The following EPHB1 variants were observed in gnomAD, a reference collection of about 807,000 sequenced individuals.
The protein encoded by EPHB1 is EPH receptor B1.
EPHB1 carries 30 observed loss-of-function variants against 94.4 expected under a neutral mutation model. That is an observed-to-expected ratio of 0.32 (90% CI 0.24 to 0.43). EPHB1 has a LOEUF of 0.43. Among genes scored for constraint, EPHB1 ranks in the 20% least tolerant of loss-of-function variants. The pLI is 1.00. For synonymous variants in EPHB1, 522 were observed against 489.1 expected (o/e 1.07, Z -0.89); for missense variants, 1,055 against 1,308.3 (o/e 0.81, Z 2.99).
At chr3:135,160,178 C>G (rs951052232) in intron 6 of EPHB1, among the ~76,000 whole-genome samples, 1 of 152,120 alleles carries the variant, frequency 6.6e-6, no homozygotes, top group Non-Finnish European at 1.5e-5. Flanking sequence ...GTACCTGCAG[C>G]CCATGTATAG....
intron 1 of EPHB1, among the ~76,000 whole-genome samples, chr3:134,903,703 G>A (rs73861986): frequency 0.016 from 2,448 of 152,198 alleles, 70 homozygotes; most frequent in African/African-American, 0.056. Flanking sequence ...TAAATGGAGG[G>A]ACCAAAGGTA....
chr3:134,822,279 G>A (rs142461962), intron 1 of EPHB1, among the ~76,000 whole-genome samples: 1 of 152,226 alleles, frequency 6.6e-6, no homozygotes, highest in African/African-American at 2.4e-5. Context: ...ACTCAGCACA[G>A]TAGCTGCTGT....
At chr3:135,140,780 TGTC>T (rs1940795481) in intron 5 of EPHB1, among the ~76,000 whole-genome samples, 4 of 152,338 alleles carry the variant, frequency 2.6e-5, no homozygotes, top group African/African-American at 9.6e-5. Context: ...CCAGCACTGT[TGTC>T]TGTCCCCCTG....
At chr3:135,165,010 G>T (rs759176409) in intron 7 of EPHB1, among the ~76,000 whole-genome samples, 1 of 152,020 alleles carries the variant, frequency 6.6e-6, no homozygotes, top group Non-Finnish European at 1.5e-5. Context: ...TCCTACATTC[G>T]TATTTGCTAT....
chr3:135,002,213 T>C (rs1935210313), intron 3 of EPHB1, among the ~76,000 whole-genome samples: 1 of 152,200 alleles, frequency 6.6e-6, no homozygotes, highest in South Asian at 2.1e-4. Flanking sequence ...GTAATCTCCA[T>C]GGGTCCAGAG....
chr3:135,096,199 G>A (rs1487562501), intron 3 of EPHB1, among the ~76,000 whole-genome samples: 1 of 152,234 alleles, frequency 6.6e-6, no homozygotes, highest in African/African-American at 2.4e-5. Context: ...AATTTTACAT[G>A]TATTACACTG....
At chr3:135,175,604 C>T (rs1367290520) in intron 9 of EPHB1, among the ~76,000 whole-genome samples, 1 of 152,084 alleles carries the variant, frequency 6.6e-6, no homozygotes, top group Non-Finnish European at 1.5e-5. Flanking sequence ...TAAATCCATA[C>T]ATAACATTTT....
chr3:134,904,467 C>CTGTGGTG (rs763499410), intron 1 of EPHB1, among the ~76,000 whole-genome samples: 309 of 152,008 alleles, frequency 2.0e-3, no homozygotes, highest in Admixed American at 3.3e-3. Flanking sequence ...GCCAGTGTGT[C>CTGTGGTG]TGTGGTCTGT....
intron 3 of EPHB1, among the ~76,000 whole-genome samples, chr3:135,035,668 T>C (rs1158749758): frequency 1.3e-5 from 2 of 152,204 alleles, no homozygotes; most frequent in Non-Finnish European, 2.9e-5. Context: ...GGCATCTGTT[T>C]CTGGGAAATG....
intron 12 of EPHB1, among the ~76,000 whole-genome samples, chr3:135,233,971 A>G (rs1276440402): frequency 6.6e-6 from 1 of 152,136 alleles, no homozygotes; most frequent in African/African-American, 2.4e-5. Flanking sequence ...GGCCCAGGAA[A>G]CCATTTTTCC....
intron 7 of EPHB1, among the ~76,000 whole-genome samples, chr3:135,163,277 G>A (rs1941562187): frequency 6.6e-6 from 1 of 152,182 alleles, no homozygotes; most frequent in African/African-American, 2.4e-5. Flanking sequence ...TGTAAGAGAA[G>A]CCAATACTTG....
intron 3 of EPHB1, among the ~76,000 whole-genome samples, chr3:134,984,026 C>T (rs907854323): frequency 3.9e-5 from 6 of 152,174 alleles, no homozygotes; most frequent in Non-Finnish European, 8.8e-5. Flanking sequence ...ATCAAATGCT[C>T]TGTCCTGCAA....
At chr3:134,931,977 ATG>A (rs2038913347) in intron 2 of EPHB1, among the ~76,000 whole-genome samples, 1 of 151,476 alleles carries the variant, frequency 6.6e-6, no homozygotes. Flanking sequence ...GTATATATGT[ATG>A]TGTATATATA....
chr3:134,857,192 C>A (rs1306682070), intron 1 of EPHB1, among the ~76,000 whole-genome samples: 1 of 152,190 alleles, frequency 6.6e-6, no homozygotes, highest in Non-Finnish European at 1.5e-5. Flanking sequence ...CAAGTGCTGA[C>A]CCCACAGCCA....
At chr3:134,948,586 A>G (rs1000666713) in intron 2 of EPHB1, among the ~76,000 whole-genome samples, 24 of 152,382 alleles carry the variant, frequency 1.6e-4, no homozygotes, top group Middle Eastern at 3.4e-3. Context: ...GGAATTAGGC[A>G]AAGTCCAGGT....
At chr3:135,056,391 G>A (rs1937350697) in intron 3 of EPHB1, among the ~76,000 whole-genome samples, 1 of 152,234 alleles carries the variant, frequency 6.6e-6, no homozygotes, top group Non-Finnish European at 1.5e-5. Context: ...AGCCGTGCTG[G>A]GCTCTCTTGG....
chr3:134,984,535 G>T (rs1360237114), intron 3 of EPHB1, among the ~76,000 whole-genome samples: 1 of 151,350 alleles, frequency 6.6e-6, no homozygotes, highest in East Asian at 1.9e-4. Flanking sequence ...CTGGGATAGG[G>T]GAATCAGCTA....
chr3:135,095,829 A>G (rs1938738516), intron 3 of EPHB1, among the ~76,000 whole-genome samples: 1 of 151,948 alleles, frequency 6.6e-6, no homozygotes, highest in Non-Finnish European at 1.5e-5. Context: ...TCACTAACTT[A>G]CCTTACCTCT....
At chr3:134,812,229 G>A (rs185118297) in intron 1 of EPHB1, among the ~76,000 whole-genome samples, 4 of 152,316 alleles carry the variant, frequency 2.6e-5, no homozygotes, top group Admixed American at 2.0e-4. Context: ...CTACACACCT[G>A]ATGTAGATCG....
Sources: gnomAD v4.1 joint callset for allele counts (sites outside exome capture counted in the v4.1 genomes callset) on GRCh38, gnomAD v4.1.1 for gene constraint, MANE v1.5 for transcripts, NCBI Gene and HGNC (gene_info 2026-07-23, HGNC 2026-07-21) for gene names.